Variants in DMD observed in about 807,000 individuals in gnomAD.
DMD encodes mutant dystrophin.
DMD carries 63 observed loss-of-function variants against 330.1 expected under a neutral mutation model. That is an observed-to-expected ratio of 0.19 (90% CI 0.16 to 0.24). The LOEUF (loss-of-function observed/expected upper bound fraction) is 0.24, where lower values mean the gene tolerates loss of function less well. Ranked by LOEUF, DMD falls within the 10% of genes least tolerant of loss-of-function variation. The probability of loss-of-function intolerance (pLI) is 1.00; values close to 1 mark genes in which losing one functional copy is unlikely to be tolerated. For missense variants in DMD, 3,344 were observed against 2,684.1 expected (o/e 1.25, Z -5.43); for synonymous variants, 1,223 against 959.8 (o/e 1.27, Z -5.07).
chrX:32,842,820 T>C lies in DMD; in HGVS notation c.264+1963A>G, dbSNP rs867471722. 5.8e-3 allele frequency among the ~76,000 whole-genome samples: 649 copies of C among 111,012 alleles called. 3 individuals carry two copies. The highest frequency in any genetic ancestry group is 0.019 in the African/African-American group (574 of 30,497). On this transcript the variant is annotated intron_variant, in intron 4 of 78. Coordinates refer to ENST00000357033, the MANE Select transcript of DMD (RefSeq NM_004006.3). ...TATGTACCAAATTATTATTATTTTTTTTTTTGATATGGAATCTCGCTCTGC... is the reference window on the plus strand; with the variant it reads ...TATGTACCAAATTATTATTATTTTTCTTTTTGATATGGAATCTCGCTCTGC...
intron 12 of DMD, among the ~76,000 whole-genome samples, chrX:32,613,712 A>C (rs2057349237): frequency 9.0e-6 from 1 of 110,788 alleles, no homozygotes; most frequent in Non-Finnish European, 1.9e-5. Context: ...ATTTTTAATA[A>C]ATCACATACC....
At chrX:32,566,208 C>T (rs1228483103) in intron 15 of DMD, among the ~76,000 whole-genome samples, 1 of 111,914 alleles carries the variant, frequency 8.9e-6, no homozygotes, top group African/African-American at 3.2e-5. Context: ...CAGAGATCAA[C>T]ATGTGGAAAT....
chrX:32,222,372 G>C (rs1288999780), intron 43 of DMD, among the ~76,000 whole-genome samples: 3 of 111,664 alleles, frequency 2.7e-5, no homozygotes, highest in Non-Finnish European at 5.7e-5. Flanking sequence ...GAAGGAACTA[G>C]AGAATCAACA....
intron 47 of DMD, among the ~76,000 whole-genome samples, chrX:31,923,721 C>T (rs369765816): frequency 2.8e-5 from 3 of 108,708 alleles, no homozygotes; most frequent in African/African-American, 1.0e-4. Flanking sequence ...CCTCAGCCTC[C>T]CAAATAGCTG....
At chrX:32,342,626 G>C (rs1321602602) in intron 40 of DMD, 2 of 274,338 alleles carry the variant, frequency 7.3e-6, no homozygotes, top group Non-Finnish European at 1.3e-5. Context: ...ATATAATTTA[G>C]AGGGTAAGTG....
At chrX:32,647,829 T>C in intron 9 of DMD, among the ~76,000 whole-genome samples, 1 of 112,197 alleles carries the variant, frequency 8.9e-6, no homozygotes, top group Non-Finnish European at 1.9e-5. Flanking sequence ...CAAGATTACC[T>C]TCTTAAGTCA....
chrX:32,852,988 A>G (rs778038616), intron 2 of DMD, among the ~76,000 whole-genome samples: 11 of 112,025 alleles, frequency 9.8e-5, no homozygotes, highest in Non-Finnish European at 1.9e-4. Context: ...AAGAGAAAAG[A>G]TACATTCCAA....
intron 44 of DMD, among the ~76,000 whole-genome samples, chrX:32,069,006 G>T (rs1468351468): frequency 8.9e-6 from 1 of 111,944 alleles, no homozygotes; most frequent in Non-Finnish European, 1.9e-5. Flanking sequence ...CAGAGTCATA[G>T]CCCAATCCTT....
intron 55 of DMD, among the ~76,000 whole-genome samples, chrX:31,608,054 A>T (rs1358790857): frequency 2.7e-5 from 3 of 111,878 alleles, no homozygotes; most frequent in Non-Finnish European, 5.7e-5. Flanking sequence ...TATATAACAA[A>T]TTGGAAAGGA....
At chrX:31,123,320 A>T (rs1243235896) in intron 78 of DMD, among the ~76,000 whole-genome samples, 1 of 112,179 alleles carries the variant, frequency 8.9e-6, no homozygotes, top group East Asian at 2.8e-4. Flanking sequence ...AATTTCATGG[A>T]GTATTAATTA....
At chrX:32,138,322 A>G (rs965471670) in intron 44 of DMD, among the ~76,000 whole-genome samples, 19 of 111,320 alleles carry the variant, frequency 1.7e-4, no homozygotes, top group Non-Finnish European at 5.7e-5. Flanking sequence ...CTTGATTTGA[A>G]TCAATAACTA....
intron 30 of DMD, among the ~76,000 whole-genome samples, chrX:32,394,059 GTCAA>G (rs1245432853): frequency 9.0e-6 from 1 of 111,505 alleles, no homozygotes; most frequent in African/African-American, 3.3e-5. Context: ...TAAAATTCAG[GTCAA>G]TCAGACTTGA....
chrX:31,892,505 A>G (rs1224510057), intron 47 of DMD, among the ~76,000 whole-genome samples: 1 of 111,432 alleles, frequency 9.0e-6, no homozygotes, highest in Admixed American at 9.6e-5. Context: ...TAATTCATCC[A>G]TGCATCACTT....
intron 2 of DMD, among the ~76,000 whole-genome samples, chrX:33,010,860 C>T (rs1286860725): frequency 9.0e-6 from 1 of 111,070 alleles, no homozygotes; most frequent in Non-Finnish European, 1.9e-5. Flanking sequence ...AAGTGTGGTT[C>T]TTTGGCCGTC....
chrX:31,615,376 T>C (rs1357216927), intron 55 of DMD, among the ~76,000 whole-genome samples: 1 of 111,788 alleles, frequency 8.9e-6, no homozygotes, highest in Admixed American at 9.5e-5. Context: ...TAACGTTATC[T>C]ATCAGTCATT....
intron 55 of DMD, among the ~76,000 whole-genome samples, chrX:31,575,791 A>T (rs1233285360): frequency 8.9e-6 from 1 of 111,951 alleles, no homozygotes; most frequent in Non-Finnish European, 1.9e-5. Context: ...CCACTGCAAC[A>T]TGCCAAGAAA....
chrX:31,309,990 A>G (rs957263027), intron 62 of DMD, among the ~76,000 whole-genome samples: 12 of 111,126 alleles, frequency 1.1e-4, no homozygotes, highest in Non-Finnish European at 2.3e-4. Flanking sequence ...TTTTATAGAT[A>G]GGGATTTGCA....
chrX:33,004,977 A>G (rs1602567167), intron 2 of DMD, among the ~76,000 whole-genome samples: 1 of 110,927 alleles, frequency 9.0e-6, no homozygotes, highest in African/African-American at 3.3e-5. Flanking sequence ...AACTTACTAA[A>G]TTATTTTATT....
chrX:33,099,697 C>T (rs1032788998), intron 1 of DMD, among the ~76,000 whole-genome samples: 2 of 111,809 alleles, frequency 1.8e-5, no homozygotes, highest in Non-Finnish European at 1.9e-5. Flanking sequence ...CATTTCATGT[C>T]GAGATTAAGA....
Sources: allele counts gnomAD v4.1 joint callset (sites outside exome capture counted in the v4.1 genomes callset), GRCh38; gene constraint gnomAD v4.1.1; transcripts MANE v1.5; gene names NCBI Gene and HGNC (gene_info 2026-07-23, HGNC 2026-07-21).